The following PPP1R16B variants were observed in gnomAD, a reference collection of about 807,000 sequenced individuals.
The protein encoded by PPP1R16B is protein phosphatase 1 regulatory inhibitor subunit 16B.
Under a neutral mutation model 61.7 loss-of-function variants are expected in PPP1R16B, and 14 were observed. That is an observed-to-expected ratio of 0.23 (90% CI 0.15 to 0.35). PPP1R16B has a LOEUF of 0.35. PPP1R16B is among the 10% of genes least tolerant of loss of function. The probability of loss-of-function intolerance (pLI) is 1.00; values close to 1 mark genes in which losing one functional copy is unlikely to be tolerated. For missense variants in PPP1R16B, 547 were observed against 752.5 expected, an observed-to-expected ratio of 0.73 and a Z score of 3.19; for synonymous variants, 266 against 305.3, an observed-to-expected ratio of 0.87 and a Z score of 1.34.
intron 4 of PPP1R16B, among the ~76,000 whole-genome samples, chr20:38,900,364 G>C (rs1271712827): frequency 6.6e-6 from 1 of 152,192 alleles, no homozygotes; most frequent in Non-Finnish European, 1.5e-5. Context: ...CTGGGACTTT[G>C]GTCTCTTCCC....
chr20:38,819,276 A>G (rs10854216), intron 1 of PPP1R16B, among the ~76,000 whole-genome samples: 114,865 of 151,978 alleles, frequency 0.76, 43,890 homozygotes, highest in African/African-American at 0.88. Flanking sequence ...GATTACATGA[A>G]ATAGTATGAG....
rs1449393855 is a variant in PPP1R16B, at chr20:38,855,982, A to AGAAGGAGGAGGAGGAGGAGGAGGAGG, written c.250+19807_250+19808insGAAGGAGGAGGAGGAGGAGGAGGAGG. 2.6e-3 allele frequency among the ~76,000 whole-genome samples: 106 copies of AGAAGGAGGAGGAGGAGGAGGAGGAGG among 41,234 alleles called. 2 individuals carry two copies. Among genetic ancestry groups the AGAAGGAGGAGGAGGAGGAGGAGGAGG allele is most frequent in the Admixed American group, 3.8e-3 (13 of 3,380 alleles). 27.1% of individuals were successfully genotyped at this position (41,234 alleles called of 152,430 possible). On this transcript the variant is annotated intron_variant, in intron 2 of 10. Transcript: ENST00000299824. ...GAGAGAGAGAGAGAGAGAGAGAGAG[A>AGAAGGAGGAGGAGGAGGAGGAGGAGG]AGGAGGAGGAGAGAGACCAGGACAG... is the stretch of plus-strand genomic sequence containing the variant.
chr20:38,870,962 A>G (rs2085124824), intron 2 of PPP1R16B, among the ~76,000 whole-genome samples: 1 of 152,126 alleles, frequency 6.6e-6, no homozygotes, highest in Non-Finnish European at 1.5e-5. Context: ...GCAGTCCTGC[A>G]GTGATTCACA....
At position 38,876,820 on chromosome 20, in the gene PPP1R16B, A is replaced by G. The variant is rs2085171133; in HGVS notation, c.251-12775A>G. Among the ~76,000 whole-genome samples, 4 of 152,192 alleles carry G rather than the reference A, an allele frequency of 2.6e-5. No individual in the cohort carries two copies. In the South Asian group the frequency reaches 8.3e-4, roughly 32 times the overall value. The stretch of plus-strand genomic sequence containing the variant: ...GCGGAAGGTTTTTGTTTTTTAGTGA[A>G]ATTGAGAAGTTCTGATTATAAAGGT... On this transcript the variant is annotated intron_variant, in intron 2 of 10. Transcript: ENST00000299824.
At chr20:38,899,999 G>A (rs1259046030) in intron 4 of PPP1R16B, among the ~76,000 whole-genome samples, 1 of 151,932 alleles carries the variant, frequency 6.6e-6, no homozygotes, top group African/African-American at 2.4e-5. Flanking sequence ...TTTCTATGTC[G>A]GCTAGGCTGG....
chr20:38,840,148 C>A (rs188908486), intron 2 of PPP1R16B, among the ~76,000 whole-genome samples: 56 of 152,320 alleles, frequency 3.7e-4, no homozygotes, highest in Non-Finnish European at 7.6e-4. Flanking sequence ...TGCTCAGCTT[C>A]CTGGCAGCAC....
chr20:38,900,731 A>G (rs777349780), intron 5 of PPP1R16B, 47 bp downstream of exon 5: 1 of 1,419,990 alleles, frequency 7.0e-7, no homozygotes, highest in East Asian at 2.6e-5. Context: ...ACAGAGTTGC[A>G]GAGAGCGTCC....
At chr20:38,879,343 A>G (rs2085189843) in intron 2 of PPP1R16B, among the ~76,000 whole-genome samples, 1 of 152,136 alleles carries the variant, frequency 6.6e-6, no homozygotes, top group African/African-American at 2.4e-5. Context: ...ACAGGCCCAT[A>G]TCATCTTCAC....
intron 2 of PPP1R16B, among the ~76,000 whole-genome samples, chr20:38,851,657 C>T (rs1285334492): frequency 6.6e-5 from 10 of 152,152 alleles, no homozygotes; most frequent in Non-Finnish European, 1.5e-5. Flanking sequence ...CACCTTGGAG[C>T]TCAGAGTCTA....
At chr20:38,846,603 C>G (rs560896058) in intron 2 of PPP1R16B, among the ~76,000 whole-genome samples, 2 of 152,326 alleles carry the variant, frequency 1.3e-5, no homozygotes, top group South Asian at 4.1e-4. Flanking sequence ...TATATCCTAT[C>G]ATGGATGTTC....
intron 2 of PPP1R16B, among the ~76,000 whole-genome samples, chr20:38,864,560 C>G (rs886616522): frequency 2.0e-5 from 3 of 152,188 alleles, no homozygotes; most frequent in African/African-American, 7.2e-5. Context: ...AGTCACACAG[C>G]TAGTTAGCAG....
chr20:38,858,266 C>G (rs941712086), intron 2 of PPP1R16B, among the ~76,000 whole-genome samples: 2 of 151,982 alleles, frequency 1.3e-5, no homozygotes, highest in Non-Finnish European at 2.9e-5. Flanking sequence ...CTTTCTGTGG[C>G]TGGGCAAGAC....
chr20:38,817,234 G>A (rs968897401), intron 1 of PPP1R16B, among the ~76,000 whole-genome samples: 1 of 152,186 alleles, frequency 6.6e-6, no homozygotes, highest in Non-Finnish European at 1.5e-5. Context: ...AGACTGTTTG[G>A]CACAGGAGAG....
At chr20:38,832,303 G>A (rs369542586) in intron 1 of PPP1R16B, among the ~76,000 whole-genome samples, 19 of 152,288 alleles carry the variant, frequency 1.2e-4, no homozygotes, top group African/African-American at 4.3e-4. Context: ...GAGGTGGTCC[G>A]CATCCGTCTC....
Position 38,880,809 on chromosome 20 carries a change from C to T in PPP1R16B, c.251-8786C>T, listed in dbSNP as rs748912532. On this transcript the variant is annotated intron_variant, in intron 2 of 10. Coordinates refer to ENST00000299824, the MANE Select transcript of PPP1R16B (RefSeq NM_015568.4). Reference sequence around the variant, plus strand: ...AAAGTTCTGTGTGGACATATATGTTCATTCCTCTTAAATATATACCTAGGA... The same window carrying T: ...AAAGTTCTGTGTGGACATATATGTTTATTCCTCTTAAATATATACCTAGGA... Among the ~76,000 whole-genome samples the T allele has an allele frequency of 2.0e-5, 3 of 152,202 alleles. No homozygotes were observed. In the South Asian group the frequency reaches 6.2e-4, roughly 31 times the overall value.
chr20:38,895,652 C>T lies in PPP1R16B; in HGVS notation c.409C>T (p.Pro137Ser). ...CGCCAAGGACAACGAGCTGTGGACA[C>T]CTCTCCATGCTGCAGCCACCTGCGG... ...VNAKDNELWT[P>S]LHAAATCGHI... The change falls in exon 4 of 11, where the codon CCT becomes TCT. Residue 137 changes from proline (P) to serine (S), a missense_variant. By Grantham distance (74) the Pro-to-Ser change is moderately conservative. Coordinates refer to ENST00000299824, the MANE Select transcript of PPP1R16B (RefSeq NM_015568.4). 1 of 1,614,152 alleles carries T rather than the reference C, an allele frequency of 6.2e-7. No individual in the cohort carries two copies. The highest frequency in any genetic ancestry group is 2.2e-5 in the East Asian group (1 of 44,882).
intron 2 of PPP1R16B, among the ~76,000 whole-genome samples, chr20:38,849,918 A>G (rs2084957786): frequency 6.6e-6 from 1 of 152,142 alleles, no homozygotes; most frequent in South Asian, 2.1e-4. Context: ...CTACCTGTTC[A>G]GCTAGTTTTG....
In PPP1R16B at chr20:38,840,309, G is replaced by C. The variant is rs193268073; in HGVS notation, c.250+4134G>C. On this transcript the variant is annotated intron_variant, in intron 2 of 10. Transcript: ENST00000299824. ...CCCCTGAGCTCACAGCAGCCTCTGA[G>C]TCAACCTCCCCCACCTGCCTGGGGA... Among the ~76,000 whole-genome samples the C allele has an allele frequency of 2.8e-3, 428 of 152,312 alleles. 2 individuals carry two copies. Among genetic ancestry groups the C allele is most frequent in the African/African-American group, 9.7e-3 (404 of 41,562 alleles).
At chr20:38,893,741 C>T (rs923282276) in intron 3 of PPP1R16B, among the ~76,000 whole-genome samples, 2 of 152,116 alleles carry the variant, frequency 1.3e-5, no homozygotes, top group Admixed American at 6.5e-5. Flanking sequence ...GGCCGGGTCT[C>T]CCAGGTGTAG....
Sources: allele counts gnomAD v4.1 joint callset (sites outside exome capture counted in the v4.1 genomes callset), GRCh38; gene constraint gnomAD v4.1.1; transcripts MANE v1.5; gene names NCBI Gene and HGNC (gene_info 2026-07-23, HGNC 2026-07-21).